Variants in AGBL1 observed in about 807,000 individuals in gnomAD.
The protein encoded by AGBL1 is AGBL carboxypeptidase 1.
AGBL1 carries 130 observed loss-of-function variants against 118.9 expected under a neutral mutation model. The observed-to-expected ratio is 1.09, with a 90% confidence interval of 0.95 to 1.26. The LOEUF (loss-of-function observed/expected upper bound fraction) is 1.26. Among genes scored for constraint, AGBL1 ranks in the 50% most tolerant of loss-of-function variants. The probability of loss-of-function intolerance (pLI) is 0.00; values close to 1 mark genes in which losing one functional copy is unlikely to be tolerated. For synonymous variants in AGBL1, 555 were observed against 478.9 expected, an observed-to-expected ratio of 1.16 and a Z score of -2.08; for missense variants, 1,584 against 1,298.1, an observed-to-expected ratio of 1.22 and a Z score of -3.38.
intron 21 of AGBL1, among the ~76,000 whole-genome samples, chr15:86,644,405 G>A (rs974247864): frequency 4.6e-5 from 7 of 152,016 alleles, no homozygotes; most frequent in African/African-American, 1.7e-4. Context: ...TGTAATATGT[G>A]AGCACACACT....
intron 18 of AGBL1, among the ~76,000 whole-genome samples, chr15:86,434,364 T>A (rs932783583): frequency 6.6e-6 from 1 of 152,210 alleles, no homozygotes. Context: ...TAGAGTATAT[T>A]GTTTAGATTG....
intron 22 of AGBL1, among the ~76,000 whole-genome samples, chr15:86,686,107 T>G (rs1002320283): frequency 6.6e-6 from 1 of 152,170 alleles, no homozygotes; most frequent in African/African-American, 2.4e-5. Context: ...CTAGAAAAAG[T>G]GAAAGAAACT....
intron 22 of AGBL1, among the ~76,000 whole-genome samples, chr15:86,756,443 T>C (rs1421688036): frequency 6.7e-6 from 1 of 150,096 alleles, no homozygotes; most frequent in African/African-American, 2.5e-5. Context: ...TGTTGGCTCC[T>C]GACTAAGTAA....
chr15:86,167,047 G>A (rs540754464), intron 5 of AGBL1, among the ~76,000 whole-genome samples: 1 of 152,048 alleles, frequency 6.6e-6, no homozygotes, highest in African/African-American at 2.4e-5. Flanking sequence ...TTCTTGCCCA[G>A]CCTGACTCAG....
At chr15:86,806,803 A>C (rs1567182822) in intron 22 of AGBL1, among the ~76,000 whole-genome samples, 1 of 150,546 alleles carries the variant, frequency 6.6e-6, no homozygotes, top group Non-Finnish European at 1.5e-5. Flanking sequence ...AATGATGCTT[A>C]CTTGTACACT....
chr15:86,282,251 C>G (rs949873648), intron 16 of AGBL1, among the ~76,000 whole-genome samples: 6 of 152,160 alleles, frequency 3.9e-5, no homozygotes, highest in African/African-American at 1.4e-4. Flanking sequence ...GAGGACCCCC[C>G]TCTCTCCACC....
At chr15:86,589,050 G>A (rs1405434065) in intron 21 of AGBL1, among the ~76,000 whole-genome samples, 2 of 151,838 alleles carry the variant, frequency 1.3e-5, no homozygotes, top group South Asian at 2.1e-4. Context: ...CTGTGTGCAT[G>A]GACACAGAAG....
chr15:86,448,761 T>C (rs780084600), intron 18 of AGBL1, among the ~76,000 whole-genome samples: 1 of 151,802 alleles, frequency 6.6e-6, no homozygotes, highest in African/African-American at 2.4e-5. Context: ...TTATGGAGGA[T>C]AAAGGGAGAG....
At chr15:86,111,205 C>T (rs1897360328) in intron 1 of AGBL1, among the ~76,000 whole-genome samples, 1 of 152,234 alleles carries the variant, frequency 6.6e-6, no homozygotes, top group Admixed American at 6.5e-5. Context: ...CCATGACCTT[C>T]TCTCTTTACC....
intron 24 of AGBL1, among the ~76,000 whole-genome samples, chr15:86,999,614 T>A (rs1477216019): frequency 6.7e-6 from 1 of 150,250 alleles, no homozygotes; most frequent in Non-Finnish European, 1.5e-5. Flanking sequence ...ATTTTCTTAA[T>A]CCAGTCTATC....
chr15:86,411,235 T>C (rs528343334), intron 18 of AGBL1, among the ~76,000 whole-genome samples: 1 of 151,934 alleles, frequency 6.6e-6, no homozygotes, highest in South Asian at 2.1e-4. Context: ...GCAGCATCTG[T>C]GGTGCATGGA....
In AGBL1 at chr15:86,442,610, G is replaced by T. The variant is rs1337978479; in HGVS notation, c.2555+45064G>T. On this transcript the variant is annotated intron_variant, in intron 18 of 22. Transcript: ENST00000614907. ...TTCCTTCATTCAATCCACCATTGTG[G>T]CTCAAGGAAATGGCTGGAATGAATT... Among the ~76,000 whole-genome samples, 5 of 152,128 alleles carry T rather than the reference G, an allele frequency of 3.3e-5. No individual in the cohort carries two copies. In the South Asian group the frequency reaches 6.2e-4, roughly 19 times the overall value.
At chr15:86,523,172 C>T (rs1596221883) in intron 19 of AGBL1, among the ~76,000 whole-genome samples, 1 of 152,178 alleles carries the variant, frequency 6.6e-6, no homozygotes, top group Non-Finnish European at 1.5e-5. Flanking sequence ...AGGTGTGAGT[C>T]TGGAATCAGG....
chr15:86,960,932 G>A (rs2080986614), intron 23 of AGBL1, among the ~76,000 whole-genome samples: 1 of 152,060 alleles, frequency 6.6e-6, no homozygotes, highest in South Asian at 2.1e-4. Context: ...GGTGCTGGAG[G>A]TTGGGGCAGA....
downstream of AGBL1, among the ~76,000 whole-genome samples, chr15:86,920,848 GT>G (rs889574547): frequency 2.2e-4 from 33 of 152,150 alleles, no homozygotes; most frequent in African/African-American, 7.2e-4. Flanking sequence ...CTTAGACATA[GT>G]TTTTTTCCTT....
At chr15:86,225,033 C>CTT (rs35578252) in intron 6 of AGBL1, 82 bp downstream of exon 6, 10,594 of 1,026,660 alleles carry the variant, frequency 0.01, no homozygotes, top group Non-Finnish European at 0.012. Flanking sequence ...ATGGCTGTTT[C>CTT]TTTTTTTTTT....
At chr15:86,578,484 T>C (rs1307499979) in intron 21 of AGBL1, among the ~76,000 whole-genome samples, 1 of 152,042 alleles carries the variant, frequency 6.6e-6, no homozygotes, top group Non-Finnish European at 1.5e-5. Flanking sequence ...CAGAAATGAG[T>C]TAAGACTTTG....
intron 22 of AGBL1, among the ~76,000 whole-genome samples, chr15:86,765,043 T>C (rs2078075538): frequency 6.6e-6 from 1 of 151,970 alleles, no homozygotes; most frequent in African/African-American, 2.4e-5. Context: ...AGAAGAAGCT[T>C]GGAAAAATCC....
At chr15:86,100,301 A>G (rs1022280905) in intron 1 of AGBL1, among the ~76,000 whole-genome samples, 1 of 151,884 alleles carries the variant, frequency 6.6e-6, no homozygotes, top group Non-Finnish European at 1.5e-5. Flanking sequence ...TTTTCTGTTG[A>G]GTCTTTGTCA....
Sources: allele counts gnomAD v4.1 joint callset (sites outside exome capture counted in the v4.1 genomes callset), GRCh38; gene constraint gnomAD v4.1.1; transcripts MANE v1.5; gene names NCBI Gene and HGNC (gene_info 2026-07-23, HGNC 2026-07-21).